Variants in CDH23 observed in about 807,000 individuals in gnomAD.
CDH23 encodes cadherin-23.
Under a neutral mutation model 317.1 loss-of-function variants are expected in CDH23, and 189 were observed. The ratio of observed to expected loss-of-function variants is 0.60; its 90% CI spans 0.53 to 0.67. The LOEUF (loss-of-function observed/expected upper bound fraction) is 0.67. Ranked by LOEUF, CDH23 falls within the 30% of genes least tolerant of loss-of-function variation. The pLI is 0.00. For synonymous variants in CDH23, 1,839 were observed against 1,876.8 expected (o/e 0.98, Z 0.52); for missense variants, 4,401 against 4,592.4 (o/e 0.96, Z 1.20).
At chr10:71,794,096 G>C (rs1409684248) in intron 48 of CDH23, among the ~76,000 whole-genome samples, 2 of 152,032 alleles carry the variant, frequency 1.3e-5, no homozygotes, top group Admixed American at 1.3e-4. Flanking sequence ...CTGCCTCCTG[G>C]GTTCAAGTGA....
intron 6 of CDH23, among the ~76,000 whole-genome samples, chr10:71,533,560 CACACACACACT>C (rs1564637114): frequency 0.016 from 2,332 of 141,534 alleles, 25 homozygotes; most frequent in Middle Eastern, 0.048. Context: ...CACACACACA[CACACACACACT>C]GGCTGGGGCT....
At chr10:71,490,752 A>T (rs537223964) in intron 3 of CDH23, among the ~76,000 whole-genome samples, 4 of 152,206 alleles carry the variant, frequency 2.6e-5, no homozygotes, top group African/African-American at 9.6e-5. Flanking sequence ...ACACTTTTTA[A>T]AGCTTTACAT....
At chr10:71,806,026 G>T in intron 56 of CDH23, 29 bp downstream of exon 56, 1 of 1,567,172 alleles carries the variant, frequency 6.4e-7, no homozygotes, top group South Asian at 1.2e-5. Flanking sequence ...GCGAGGGGCG[G>T]GGTCTGGGGC....
chr10:71,642,393 CTTTTTTTT>C (rs781291264), intron 11 of CDH23, among the ~76,000 whole-genome samples: 2,620 of 85,460 alleles, frequency 0.031, 48 homozygotes, highest in Admixed American at 0.045. Flanking sequence ...GGCCCGGCCT[CTTTTTTTT>C]TTTTTTTTTT....
intron 38 of CDH23, chr10:71,755,575 C>G: frequency 1.0e-6 from 1 of 1,003,640 alleles, no homozygotes. Context: ...CCCGCCTTTC[C>G]CCAGAGTCCC....
intron 40 of CDH23, among the ~76,000 whole-genome samples, chr10:71,778,728 G>A (rs1308534760): frequency 6.6e-6 from 1 of 152,202 alleles, no homozygotes; most frequent in Non-Finnish European, 1.5e-5. Flanking sequence ...CAACCACAGT[G>A]CAGCAACAAA....
chr10:71,461,663 A>G (rs1234387536), intron 3 of CDH23, among the ~76,000 whole-genome samples: 1 of 152,214 alleles, frequency 6.6e-6, no homozygotes, highest in Non-Finnish European at 1.5e-5. Context: ...GGCCACCGCG[A>G]CTTGGGCTGA....
chr10:71,773,726 C>A (rs1840747663), intron 38 of CDH23, among the ~76,000 whole-genome samples: 1 of 152,190 alleles, frequency 6.6e-6, no homozygotes, highest in Non-Finnish European at 1.5e-5. Flanking sequence ...GTTTAAAGCC[C>A]GTTCTACCGT....
chr10:71,775,920 C>G (rs1840807417), intron 38 of CDH23, among the ~76,000 whole-genome samples: 1 of 152,140 alleles, frequency 6.6e-6, no homozygotes, highest in Non-Finnish European at 1.5e-5. Flanking sequence ...CAGCCTTGAG[C>G]CTTCCTGAGT....
At chr10:71,545,182 G>C (rs1404893861) in intron 6 of CDH23, among the ~76,000 whole-genome samples, 1 of 152,196 alleles carries the variant, frequency 6.6e-6, no homozygotes, top group African/African-American at 2.4e-5. Flanking sequence ...AATCTCTTTA[G>C]CTCCTGCTAC....
rs1385015553 is a variant in CDH23 at position 71,814,817 on chromosome 10, GAGAAAC to G, written c.9739-131_9739-126del. ...CATGATTCCCCTTTGCAGGCAGTTT[GAGAAAC>G]AGAGTCTGACAGGCCTGCTGCGGTA... On this transcript the variant is annotated intron_variant, in intron 69 of 69. Transcript: ENST00000224721. 11 of 1,038,506 alleles carry G rather than the reference GAGAAAC, an allele frequency of 1.1e-5. No homozygotes were observed. The East Asian group carries it at 1.6e-4, about 15-fold the overall frequency. 64.3% of individuals were successfully genotyped at this position (1,038,506 alleles called of 1,614,324 possible).
intron 38 of CDH23, among the ~76,000 whole-genome samples, chr10:71,759,948 T>TATATATACACACACAC (rs1840278731): frequency 1.6e-5 from 1 of 63,292 alleles, no homozygotes. Context: ...CACACACACA[T>TATATATACACACACAC]ATATATACAC....
In CDH23 at chr10:71,793,532, G is replaced by T. The variant is rs121908349; in HGVS notation, c.6604G>T (p.Asp2202Tyr). Residue 2202 changes from aspartate to tyrosine, a missense_variant, in exon 48 of 70, where the codon GAC becomes TAC. Physicochemically the swap from Asp to Tyr is radical, Grantham distance 160 (BLOSUM62 -3). Around this residue, in one of 3 missense-constraint regions of CDH23, gnomAD observed 3,068 missense variants for 3,203.3 expected, o/e 0.96. Coordinates refer to ENST00000224721, the MANE Select transcript of CDH23 (RefSeq NM_022124.6). ...VIANITAIDH[D>Y]LNPKLEYHIV... ...TGCCAATATCACGGCCATTGACCAC[G>T]ACCTCAACCCAAAGCTAGAGTACCA... 3 of 1,613,562 alleles carry T rather than the reference G, an allele frequency of 1.9e-6. No individual in the cohort carries two copies. The highest frequency in any genetic ancestry group is 2.5e-6 in the Non-Finnish European group (3 of 1,179,882).
chr10:71,575,585 G>A (rs765336187), intron 8 of CDH23, among the ~76,000 whole-genome samples: 6 of 152,278 alleles, frequency 3.9e-5, no homozygotes, highest in African/African-American at 7.2e-5. Flanking sequence ...TCTCGGAGGC[G>A]TCCTACTCCC....
chr10:71,486,157 AG>A (rs1354171025), intron 3 of CDH23, among the ~76,000 whole-genome samples: 1 of 152,200 alleles, frequency 6.6e-6, no homozygotes, highest in Non-Finnish European at 1.5e-5. Flanking sequence ...ATTAAACACA[AG>A]ACTCTGAATC....
chr10:71,434,352 C>G (rs751305864), intron 1 of CDH23, among the ~76,000 whole-genome samples: 1 of 152,256 alleles, frequency 6.6e-6, no homozygotes. Flanking sequence ...AGGGTGCGGG[C>G]TTTACCTTGT....
chr10:71,758,504 T>C (rs989964054), intron 38 of CDH23, among the ~76,000 whole-genome samples: 1 of 152,198 alleles, frequency 6.6e-6, no homozygotes, highest in Admixed American at 6.5e-5. Context: ...GGCAGTGCCC[T>C]CTTACCCTGT....
chr10:71,684,720 C>T (rs1416715425), intron 18 of CDH23, among the ~76,000 whole-genome samples: 3 of 152,190 alleles, frequency 2.0e-5, no homozygotes, highest in East Asian at 1.9e-4. Context: ...CCCAGCCTGT[C>T]GCTAGTGCAA....
At chr10:71,733,968 G>A (rs556173040) in intron 32 of CDH23, among the ~76,000 whole-genome samples, 7 of 152,306 alleles carry the variant, frequency 4.6e-5, no homozygotes, top group East Asian at 1.9e-4. Flanking sequence ...AAATCAGAGC[G>A]CCACAAGAAG....
Sources: allele counts gnomAD v4.1 joint callset (sites outside exome capture counted in the v4.1 genomes callset), GRCh38; gene constraint gnomAD v4.1.1; regional missense constraint gnomAD v4.1.1; transcripts MANE v1.5; gene names NCBI Gene and HGNC (gene_info 2026-07-23, HGNC 2026-07-21).